KCNH7: variants seen among roughly 807,000 people sequenced by gnomAD.
KCNH7 encodes the protein potassium voltage-gated channel subfamily H member 7.
In KCNH7, 49 loss-of-function variants were observed where a neutral mutation model predicts 120.8. That is an observed-to-expected ratio of 0.41 (90% CI 0.32 to 0.51). The LOEUF is 0.51. KCNH7 is among the 20% of genes least tolerant of loss of function. The pLI is 0.38. For synonymous variants in KCNH7, 547 were observed against 516.1 expected (o/e 1.06, Z -0.81); for missense variants, 1,097 against 1,446.6 (o/e 0.76, Z 3.92).
chr2:162,687,087 C>T (rs1408138179), intron 2 of KCNH7, among the ~76,000 whole-genome samples: 2 of 152,034 alleles, frequency 1.3e-5, no homozygotes, highest in African/African-American at 2.4e-5. Context: ...ATAAAAATTC[C>T]CATTAGGAAA....
chr2:162,489,661 C>T (rs958469242), intron 6 of KCNH7, among the ~76,000 whole-genome samples: 1 of 152,176 alleles, frequency 6.6e-6, no homozygotes, highest in Non-Finnish European at 1.5e-5. Flanking sequence ...ATTTAGCAAA[C>T]AATGACAAAT....
intron 2 of KCNH7, among the ~76,000 whole-genome samples, chr2:162,719,755 C>T (rs1480998019): frequency 9.9e-5 from 15 of 151,988 alleles, no homozygotes; most frequent in Admixed American, 9.8e-4. Flanking sequence ...TCAACATCCT[C>T]AGACTGAAGA....
chr2:162,521,155 C>T (rs929406142), intron 3 of KCNH7, among the ~76,000 whole-genome samples: 2 of 151,752 alleles, frequency 1.3e-5, no homozygotes, highest in Non-Finnish European at 2.9e-5. Context: ...ACATTTTTTC[C>T]ATGACTGGCC....
chr2:162,759,562 A>G (rs1366598640), intron 2 of KCNH7, among the ~76,000 whole-genome samples: 1 of 152,034 alleles, frequency 6.6e-6, no homozygotes, highest in East Asian at 1.9e-4. Context: ...GCATGTCACA[A>G]TAATTGCTCT....
chr2:162,596,199 CACAG>C (rs1227207313), intron 2 of KCNH7, among the ~76,000 whole-genome samples: 4 of 151,980 alleles, frequency 2.6e-5, no homozygotes, highest in Non-Finnish European at 4.4e-5. Context: ...TTCAAAACTT[CACAG>C]ACAGAGAATT....
intron 2 of KCNH7, among the ~76,000 whole-genome samples, chr2:162,601,160 G>A (rs1694538064): frequency 6.6e-6 from 1 of 151,936 alleles, no homozygotes; most frequent in African/African-American, 2.4e-5. Context: ...AATGTGATTG[G>A]TTAATGTATG....
At chr2:162,428,292 G>A (rs527469135) in intron 8 of KCNH7, among the ~76,000 whole-genome samples, 1 of 151,718 alleles carries the variant, frequency 6.6e-6, no homozygotes, top group African/African-American at 2.4e-5. Flanking sequence ...AACATTTGGG[G>A]ACTTTCTAAA....
At chr2:162,751,344 G>A (rs1004775670) in intron 2 of KCNH7, among the ~76,000 whole-genome samples, 1 of 152,088 alleles carries the variant, frequency 6.6e-6, no homozygotes, top group African/African-American at 2.4e-5. Context: ...AATTAGAGAA[G>A]TAATTTACTA....
chr2:162,783,476 C>A (rs955846807), intron 2 of KCNH7, among the ~76,000 whole-genome samples: 10 of 152,132 alleles, frequency 6.6e-5, no homozygotes, highest in African/African-American at 1.4e-4. Context: ...CTCAGGCCAA[C>A]AATGTTTTGA....
intron 9 of KCNH7, among the ~76,000 whole-genome samples, 165 bp from the exon 10 acceptor site, chr2:162,400,606 C>T (rs966058760): frequency 6.6e-6 from 1 of 151,874 alleles, no homozygotes; most frequent in Non-Finnish European, 1.5e-5. Flanking sequence ...ATTTGCTAAA[C>T]ATGTCAAAAT....
intron 2 of KCNH7, among the ~76,000 whole-genome samples, chr2:162,755,359 C>A (rs996648463): frequency 2.0e-5 from 3 of 152,056 alleles, no homozygotes; most frequent in Non-Finnish European, 2.9e-5. Context: ...GTAATCCTAG[C>A]TACTTGGGAG....
chr2:162,611,631 T>C (rs1248835961), intron 2 of KCNH7, among the ~76,000 whole-genome samples: 2 of 152,192 alleles, frequency 1.3e-5, no homozygotes, highest in African/African-American at 4.8e-5. Flanking sequence ...CATGAGGCTA[T>C]GGGAAGAGAC....
intron 2 of KCNH7, among the ~76,000 whole-genome samples, chr2:162,817,573 T>C (rs998176265): frequency 6.6e-6 from 1 of 152,102 alleles, no homozygotes; most frequent in African/African-American, 2.4e-5. Flanking sequence ...TTTTCTTAGA[T>C]ACAGACCTAG....
chr2:162,535,296 TTTTTA>T (rs1692069273), intron 3 of KCNH7, among the ~76,000 whole-genome samples: 1 of 151,826 alleles, frequency 6.6e-6, no homozygotes. Context: ...TATAAAACAA[TTTTTA>T]TTTTATGTGA....
At chr2:162,472,614 A>T (rs558678328) in intron 6 of KCNH7, among the ~76,000 whole-genome samples, 2 of 152,326 alleles carry the variant, frequency 1.3e-5, no homozygotes, top group Non-Finnish European at 2.9e-5. Context: ...GATGTGGAGA[A>T]ATAGGAACAC....
At chr2:162,809,538 C>A (rs1373553414) in intron 2 of KCNH7, among the ~76,000 whole-genome samples, 2 of 152,140 alleles carry the variant, frequency 1.3e-5, no homozygotes, top group Non-Finnish European at 2.9e-5. Flanking sequence ...TAATAACTAT[C>A]ATTGTGCATT....
At chr2:162,605,935 G>A (rs1023381809) in intron 2 of KCNH7, among the ~76,000 whole-genome samples, 1 of 152,024 alleles carries the variant, frequency 6.6e-6, no homozygotes, top group Non-Finnish European at 1.5e-5. Flanking sequence ...ATACAAATAA[G>A]ATTCAGAATA....
At chr2:162,771,763 A>G (rs1022576404) in intron 2 of KCNH7, among the ~76,000 whole-genome samples, 2 of 151,976 alleles carry the variant, frequency 1.3e-5, no homozygotes, top group African/African-American at 4.8e-5. Flanking sequence ...TCGTATTTTT[A>G]TATCTTTAGA....
intron 6 of KCNH7, among the ~76,000 whole-genome samples, chr2:162,494,089 T>C (rs1315850475): frequency 6.6e-6 from 1 of 152,182 alleles, no homozygotes; most frequent in African/African-American, 2.4e-5. Flanking sequence ...AAGGTCAAAC[T>C]GGTTAAGATG....
Sources: allele counts gnomAD v4.1 joint callset (sites outside exome capture counted in the v4.1 genomes callset), GRCh38; gene constraint gnomAD v4.1.1; transcripts MANE v1.5; gene names NCBI Gene and HGNC (gene_info 2026-07-23, HGNC 2026-07-21).